The following FANK1 variants were observed in gnomAD, a reference collection of about 807,000 sequenced individuals.
FANK1 encodes fibronectin type III and ankyrin repeat domains 1.
Under a neutral mutation model 45.3 loss-of-function variants are expected in FANK1, and 44 were observed. The ratio of observed to expected loss-of-function variants is 0.97; its 90% CI spans 0.76 to 1.25. The LOEUF (loss-of-function observed/expected upper bound fraction) is 1.25, where lower values mean the gene tolerates loss of function less well. FANK1 is among the 50% of genes most tolerant of loss of function. The probability of loss-of-function intolerance (pLI) is 0.00; values close to 1 mark genes in which losing one functional copy is unlikely to be tolerated. For synonymous variants in FANK1, 149 were observed against 152.5 expected (o/e 0.98, Z 0.17); for missense variants, 391 against 424.4 (o/e 0.92, Z 0.69).
intron 2 of FANK1, among the ~76,000 whole-genome samples, chr10:125,985,368 T>C (rs557618687): frequency 6.6e-6 from 1 of 152,330 alleles, no homozygotes; most frequent in Admixed American, 6.5e-5. Context: ...CCTATTTTCA[T>C]TTAACATCAA....
intron 1 of FANK1, among the ~76,000 whole-genome samples, chr10:125,924,378 C>T (rs1360684579): frequency 4.6e-5 from 7 of 151,482 alleles, no homozygotes; most frequent in South Asian, 2.1e-4. Flanking sequence ...CTCAGCCTCC[C>T]GAGTAGCTGG....
intron 1 of FANK1, among the ~76,000 whole-genome samples, chr10:125,970,960 G>C (rs1021159133): frequency 2.0e-5 from 3 of 152,130 alleles, no homozygotes; most frequent in African/African-American, 7.2e-5. Context: ...AAGTCCTAGT[G>C]TCAAGTGAGC....
intron 6 of FANK1, among the ~76,000 whole-genome samples, chr10:126,000,942 TAAC>T (rs1184768996): frequency 4.0e-5 from 6 of 150,714 alleles, no homozygotes; most frequent in Admixed American, 1.3e-4. Flanking sequence ...TTACTAGTAA[TAAC>T]AATTTTTCTA....
At chr10:125,915,281 T>TAA (rs1946362853) in intron 1 of FANK1, among the ~76,000 whole-genome samples, 2 of 152,054 alleles carry the variant, frequency 1.3e-5, no homozygotes, top group Non-Finnish European at 2.9e-5. Context: ...AAATGTTATT[T>TAA]TATTAATGAA....
intron 6 of FANK1, among the ~76,000 whole-genome samples, chr10:125,999,716 A>G (rs181452577): frequency 6.6e-6 from 1 of 152,276 alleles, no homozygotes; most frequent in African/African-American, 2.4e-5. Flanking sequence ...TCCGTATCTC[A>G]GTTTCATGTC....
At chr10:125,945,446 A>G (rs1948720328) in intron 1 of FANK1, among the ~76,000 whole-genome samples, 1 of 152,358 alleles carries the variant, frequency 6.6e-6, no homozygotes, top group Admixed American at 6.5e-5. Context: ...TGGGAAGCGC[A>G]AGGGGTCAGG....
intron 1 of FANK1, among the ~76,000 whole-genome samples, chr10:125,917,621 A>G (rs1360262116): frequency 1.3e-5 from 2 of 152,204 alleles, no homozygotes; most frequent in African/African-American, 4.8e-5. Context: ...CTTCTGTGTC[A>G]TATAAAACTT....
At chr10:125,979,497 G>T (rs1590144548) in intron 1 of FANK1, among the ~76,000 whole-genome samples, 1 of 152,296 alleles carries the variant, frequency 6.6e-6, no homozygotes, top group African/African-American at 2.4e-5. Flanking sequence ...TGGCACATGA[G>T]AATATCCTCT....
rs1357860056 is a variant in FANK1, at chr10:125,975,642, GTTGT to G, written c.14-4516_14-4513del. Among the ~76,000 whole-genome samples the G allele has an allele frequency of 1.3e-5, 2 of 152,152 alleles. 1 individual carries two copies. The highest frequency in any genetic ancestry group is 4.8e-5 in the African/African-American group (2 of 41,426). ...TGTCTTTTGCTCAATTTTTAATGGGGTTGTTTATTTTTCTCTTGTAAATGTGTTT... is the reference window on the plus strand; with the variant it reads ...TGTCTTTTGCTCAATTTTTAATGGGGTTATTTTTCTCTTGTAAATGTGTTT... On this transcript the variant is annotated intron_variant, in intron 1 of 10. Transcript: ENST00000368693.
At chr10:125,938,724 G>A (rs933650057) in intron 1 of FANK1, among the ~76,000 whole-genome samples, 2 of 152,038 alleles carry the variant, frequency 1.3e-5, no homozygotes, top group Non-Finnish European at 2.9e-5. Context: ...CAGGAGAATC[G>A]CTTGAACCTG....
chr10:125,899,153 C>T (rs576454414), intron 1 of FANK1, among the ~76,000 whole-genome samples: 13 of 152,318 alleles, frequency 8.5e-5, no homozygotes, highest in African/African-American at 2.4e-4. Flanking sequence ...CTCCGCCTCC[C>T]GGGTTCAAGT....
intron 1 of FANK1, among the ~76,000 whole-genome samples, chr10:125,902,702 T>C (rs1371271267): frequency 1.3e-5 from 2 of 152,216 alleles, no homozygotes; most frequent in African/African-American, 2.4e-5. Context: ...AGTAAACTTA[T>C]TTTTTGGACC....
At chr10:125,915,311 A>C (rs528517103) in intron 1 of FANK1, among the ~76,000 whole-genome samples, 90 of 152,296 alleles carry the variant, frequency 5.9e-4, no homozygotes, top group African/African-American at 2.1e-3. Flanking sequence ...GAGATGTTAC[A>C]ACCAGTTCAA....
intron 3 of FANK1, among the ~76,000 whole-genome samples, chr10:125,994,074 A>T (rs1228274446): frequency 6.6e-6 from 1 of 151,240 alleles, no homozygotes; most frequent in Non-Finnish European, 1.5e-5. Context: ...CATAAGGAGC[A>T]GGAAGAGGGA....
At chr10:125,951,554 T>G (rs1436447059) in intron 1 of FANK1, among the ~76,000 whole-genome samples, 1 of 152,108 alleles carries the variant, frequency 6.6e-6, no homozygotes, top group Non-Finnish European at 1.5e-5. Context: ...GTTTGGAAGG[T>G]TTTGTTTTCT....
At chr10:125,994,103 G>T (rs566177855) in intron 3 of FANK1, among the ~76,000 whole-genome samples, 1 of 151,890 alleles carries the variant, frequency 6.6e-6, no homozygotes, top group Non-Finnish European at 1.5e-5. Context: ...GATCTTTCTG[G>T]GCCGGACCAT....
rs185024055 is a variant in FANK1, at chr10:125,998,581, C to A, written c.539+1096C>A. ...AAGGTTATTGAGAAATGAGAGTTGC[C>A]TCTTAAACAAAAAGCTATCTAATAA... is the stretch of plus-strand genomic sequence containing the variant. On this transcript the variant is annotated intron_variant, in intron 6 of 10. Transcript: ENST00000368693. Among the ~76,000 whole-genome samples, 14 of 152,004 alleles carry A rather than the reference C, an allele frequency of 9.2e-5. No homozygotes were observed. In the East Asian group the frequency reaches 2.5e-3, roughly 27 times the overall value.
chr10:126,007,709 G>T (rs34862440), intron 7 of FANK1, among the ~76,000 whole-genome samples: 37,369 of 152,144 alleles, frequency 0.25, 5,559 homozygotes, highest in East Asian at 0.39. Context: ...GTGTGTGCGT[G>T]TCTGAGCACA....
intron 1 of FANK1, among the ~76,000 whole-genome samples, chr10:125,952,205 A>G (rs1365740077): frequency 2.0e-5 from 3 of 152,210 alleles, no homozygotes; most frequent in East Asian, 1.9e-4. Flanking sequence ...GCTTTAAAAA[A>G]AAAAGCGTGG....
Sources: gnomAD v4.1 joint callset for allele counts (sites outside exome capture counted in the v4.1 genomes callset) on GRCh38, gnomAD v4.1.1 for gene constraint, MANE v1.5 for transcripts, NCBI Gene and HGNC (gene_info 2026-07-23, HGNC 2026-07-21) for gene names.